RAB34: variants seen among roughly 807,000 people sequenced by gnomAD.
RAB34 encodes ras-related protein Rab-34.
A neutral mutation model predicts 39.0 loss-of-function variants in RAB34; 33 were observed. The ratio of observed to expected loss-of-function variants is 0.85; its 90% CI spans 0.64 to 1.13. The LOEUF (loss-of-function observed/expected upper bound fraction) is 1.13, where lower values mean the gene tolerates loss of function less well. Among genes scored for constraint, RAB34 ranks in the 50% most tolerant of loss-of-function variants. The pLI, the probability that RAB34 is intolerant of heterozygous loss-of-function variation, is 0.00. For synonymous variants in RAB34, 135 were observed against 125.1 expected, an observed-to-expected ratio of 1.08 and a Z score of -0.53; for missense variants, 289 against 326.1, an observed-to-expected ratio of 0.89 and a Z score of 0.88.
chr17:28,715,978 C>A lies in RAB34; in HGVS notation c.212+15G>T. Reference sequence around the variant, plus strand: ...TGGCCCCACCCTGCCCAGCTCAGCTCCAGCACCCCCTTACCTATTAATGAG... The same window carrying A: ...TGGCCCCACCCTGCCCAGCTCAGCTACAGCACCCCCTTACCTATTAATGAG... On this transcript the variant is annotated intron_variant, in intron 3 of 9. Transcript: ENST00000395245. The A allele has an allele frequency of 6.2e-7, 1 of 1,613,888 alleles. No homozygotes were observed. Among genetic ancestry groups the A allele is most frequent in the Non-Finnish European group, 8.5e-7 (1 of 1,179,906 alleles).
rs1597764082 is a variant in RAB34 at position 28,715,689 on chromosome 17, G to A, written c.331C>T (p.Gln111Ter). The change falls in exon 5 of 10, where the codon CAG (glutamine) becomes TAG (stop). Residue 111 changes from glutamine to a stop codon, truncating the protein, a stop_gained. Transcript: ENST00000395245. LOFTEE classifies it high-confidence loss of function. ...GATGCAATGCATTTGAACCTCTCCTGCCCAGCGGTATCCCAACTGGAAGGA... is the reference window on the plus strand; with the variant it reads ...GATGCAATGCATTTGAACCTCTCCTACCCAGCGGTATCCCAACTGGAAGGA... ...FSLQLWDTAG[Q>*]ERFKCIASTY... 6.2e-7 allele frequency: 1 copy of A among 1,614,086 alleles called. No individual in the cohort carries two copies. Among genetic ancestry groups the A allele is most frequent in the Non-Finnish European group, 8.5e-7 (1 of 1,180,012 alleles).
At position 28,717,307 on chromosome 17, in the gene RAB34, G is replaced by A. The variant is rs550567306; in HGVS notation, c.-41C>T. On this transcript the variant is annotated 5_prime_UTR_variant, in exon 1 of 10. Transcript: ENST00000395245. ...GCAGGGCGCCCTGAGAAGGCGCCGA[G>A]GCCGGATCCGCGTCAGCGACCCGGG... 2.6e-6 allele frequency: 4 copies of A among 1,559,746 alleles called. No individual in the cohort carries two copies. The highest frequency in any genetic ancestry group is 1.7e-4 in the Middle Eastern group (1 of 6,004).
chr17:28,718,341 G>T, upstream of RAB34: 1 of 1,323,054 alleles, frequency 7.6e-7, no homozygotes, highest in South Asian at 1.4e-5. Flanking sequence ...CGTGCGAAGG[G>T]GGTGCCAGGG....
At position 28,715,891 on chromosome 17, in the gene RAB34, CTT is replaced by C; in HGVS notation, c.221_222del (p.Lys74ArgfsTer4). On this transcript the variant is annotated frameshift_variant, in exon 4 of 10. Transcript: ENST00000395245. LOFTEE classifies it high-confidence loss of function. ...GKTCLINRFCKDTFDKNYKAT... is the reference protein window; with the variant it reads ...GKTCLINRFCXDTFDKNYKAT... ...GCCTTGTAATTCTTATCAAAGGTGTCTTTGCAGAACCTGAGAGGGTACCAGAT... is the reference window on the plus strand; with the variant it reads ...GCCTTGTAATTCTTATCAAAGGTGTCTGCAGAACCTGAGAGGGTACCAGAT... 3.1e-6 allele frequency: 5 copies of C among 1,613,936 alleles called. No individual in the cohort carries two copies. Among genetic ancestry groups the C allele is most frequent in the Non-Finnish European group, 4.2e-6 (5 of 1,179,912 alleles).
chr17:28,714,786 C>T lies in RAB34; in HGVS notation c.712+7G>A. 6.2e-7 allele frequency: 1 copy of T among 1,614,094 alleles called. No homozygotes were observed. Among genetic ancestry groups the T allele is most frequent in the Non-Finnish European group, 8.5e-7 (1 of 1,179,950 alleles). ...CCTCTGCCACCCTCAACCAGGCAAGCACTCACGGACAACATCCCCAATGCG... is the reference window on the plus strand; with the variant it reads ...CCTCTGCCACCCTCAACCAGGCAAGTACTCACGGACAACATCCCCAATGCG... On this transcript the variant is annotated splice_region_variant and intron_variant, in intron 9 of 9. Coordinates refer to ENST00000395245, the MANE Select transcript of RAB34 (RefSeq NM_031934.6).
upstream of RAB34, chr17:28,718,280 C>A (rs527782156): frequency 2.0e-6 from 3 of 1,536,092 alleles, no homozygotes; most frequent in African/African-American, 2.8e-5. Flanking sequence ...AGTCTGCCCC[C>A]TCTCGCCCTT....
Position 28,714,391 on chromosome 17 carries a change from C to A in RAB34, c.*252G>T. On this transcript the variant is annotated 3_prime_UTR_variant, in exon 10 of 10. Coordinates refer to ENST00000395245, the MANE Select transcript of RAB34 (RefSeq NM_031934.6). ...CAGGCTGAGCAAAAGAACAGAGACACTCTCCCTCACTACCACTGGGCGCCC... is the reference window on the plus strand; with the variant it reads ...CAGGCTGAGCAAAAGAACAGAGACAATCTCCCTCACTACCACTGGGCGCCC... 1.5e-6 allele frequency: 1 copy of A among 645,954 alleles called. No homozygotes were observed. The highest frequency in any genetic ancestry group is 2.7e-6 in the Non-Finnish European group (1 of 369,352). The allele number at this position is 645,954 out of a possible 1,614,324, so 40.0% of individuals were successfully genotyped here.
chr17:28,715,784 G>T lies in RAB34; in HGVS notation c.314+16C>A. ...TGGGGAGAAGGGATAGCTGGAAGGG[G>T]TGTGGAAGCACTCACAGCTGCAAAC... On this transcript the variant is annotated intron_variant, in intron 4 of 9. Transcript: ENST00000395245. 9.3e-6 allele frequency: 15 copies of T among 1,611,688 alleles called. No individual in the cohort carries two copies. The highest frequency in any genetic ancestry group is 1.3e-5 in the Non-Finnish European group (15 of 1,177,832).
At position 28,714,395 on chromosome 17, in the gene RAB34, C is replaced by T; in HGVS notation, c.*248G>A. On this transcript the variant is annotated 3_prime_UTR_variant, in exon 10 of 10. Transcript: ENST00000395245. The stretch of plus-strand genomic sequence containing the variant: ...CTGAGCAAAAGAACAGAGACACTCT[C>T]CCTCACTACCACTGGGCGCCCTGGA... 1.5e-6 allele frequency: 1 copy of T among 655,448 alleles called. No individual in the cohort carries two copies. 40.6% of individuals were successfully genotyped at this position (655,448 alleles called of 1,614,324 possible). A position where few individuals can be genotyped will look rare whatever the true frequency, so the allele number is the denominator to read the frequency against.
At chr17:28,716,417 TC>T in intron 2 of RAB34, 9 of 287,054 alleles carry the variant, frequency 3.1e-5, no homozygotes, top group East Asian at 7.3e-5. Context: ...TAAGACACCC[TC>T]CCCCCCGCAT....
At position 28,717,516 on chromosome 17, in the gene RAB34, C is replaced by T; in HGVS notation, c.-250G>A. The T allele has an allele frequency of 7.0e-7, 1 of 1,427,990 alleles. No homozygotes were observed. Among genetic ancestry groups the T allele is most frequent in the Non-Finnish European group, 9.1e-7 (1 of 1,093,896 alleles). The allele number at this position is 1,427,990 out of a possible 1,614,324, so 88.5% of individuals were successfully genotyped here. ...CGGGCCCTGGGCGTCCCGAAGATGA[C>T]TCTGGGGCGAGGAGACTCTTCGGCC... On this transcript the variant is annotated 5_prime_UTR_variant, in exon 1 of 10. Coordinates refer to ENST00000395245, the MANE Select transcript of RAB34 (RefSeq NM_031934.6).
rs2033640198 is a variant in RAB34, at chr17:28,717,216, G to A, written c.51C>T (p.Pro17=). Residue 17 remains proline, a synonymous_variant, in exon 1 of 10, where the codon CCC becomes CCT. Transcript: ENST00000395245. ...VRRDRVLAEL[P]QCLRKEAALH... ...CCGACGTGGCCCCGGCGCCTACCTG[G>A]GGCAGCTCCGCCAGGACGCGATCCC... 6.2e-7 allele frequency: 1 copy of A among 1,603,692 alleles called. No individual in the cohort carries two copies. The highest frequency in any genetic ancestry group is 8.5e-7 in the Non-Finnish European group (1 of 1,177,952).
upstream of RAB34, chr17:28,718,074 T>C: frequency 4.5e-6 from 7 of 1,550,628 alleles, no homozygotes; most frequent in African/African-American, 1.4e-5. Context: ...CCCAGGCTGC[T>C]CTCCCCTGCA....
chr17:28,716,127 C>T (rs2033390772), intron 2 of RAB34, 69 bp from the exon 3 acceptor site: 11 of 1,606,530 alleles, frequency 6.8e-6, no homozygotes, highest in African/African-American at 1.3e-5. Flanking sequence ...TCCAATGCTC[C>T]CGACTAGGTC....
At position 28,717,340 on chromosome 17, in the gene RAB34, A is replaced by G. The variant is rs2151711403; in HGVS notation, c.-74T>C. On this transcript the variant is annotated 5_prime_UTR_variant, in exon 1 of 10. Transcript: ENST00000395245. ...CCGCGTCAGCGACCCGGGCGCGTGG[A>G]GACCCGACGATCACCCGCGGCCGGG... 5 of 1,538,102 alleles carry G rather than the reference A, an allele frequency of 3.3e-6. No homozygotes were observed. In the African/African-American group the frequency reaches 4.1e-5, roughly 13 times the overall value.
Position 28,714,526 on chromosome 17 carries a change from G to T in RAB34, c.*117C>A. 1 of 1,607,094 alleles carries T rather than the reference G, an allele frequency of 6.2e-7. No individual in the cohort carries two copies. The highest frequency in any genetic ancestry group is 8.5e-7 in the Non-Finnish European group (1 of 1,175,476). ...CCCTCTGTGGGAATACTGCCACCAA[G>T]AGGCAGCTCTTTGGTCTGGATAAAG... On this transcript the variant is annotated 3_prime_UTR_variant, in exon 10 of 10. Coordinates refer to ENST00000395245, the MANE Select transcript of RAB34 (RefSeq NM_031934.6).
Position 28,715,888 on chromosome 17 carries a change from T to A in RAB34, c.226A>T (p.Thr76Ser), listed in dbSNP as rs2033331572. 6.2e-7 allele frequency: 1 copy of A among 1,613,716 alleles called. No individual in the cohort carries two copies. The highest frequency in any genetic ancestry group is 1.3e-5 in the African/African-American group (1 of 74,836). The change falls in exon 4 of 10, where the codon ACC (threonine) becomes TCC (serine). Residue 76 changes from threonine to serine, a missense_variant. By Grantham distance (58) the Thr-to-Ser change is moderately conservative. Coordinates refer to ENST00000395245, the MANE Select transcript of RAB34 (RefSeq NM_031934.6). Reference protein sequence around the residue: ...TCLINRFCKDTFDKNYKATIG... With the variant: ...TCLINRFCKDSFDKNYKATIG... ...GTGGCCTTGTAATTCTTATCAAAGG[T>A]GTCTTTGCAGAACCTGAGAGGGTAC...
chr17:28,717,030 A>T (rs370117578), intron 1 of RAB34, 36 bp from the exon 2 acceptor site: 2 of 1,605,874 alleles, frequency 1.2e-6, no homozygotes, highest in African/African-American at 2.7e-5. Context: ...GGAGCTTCCT[A>T]CTCCTGGCCC....
In RAB34 at chr17:28,715,214, C is replaced by A. The variant is rs763332667; in HGVS notation, c.494G>T (p.Gly165Val). ...ACTCACACTCAGATCCTTCTTGGAACCTACAAGGAAGAGAAGCACACTGGA... is the reference window on the plus strand; with the variant it reads ...ACTCACACTCAGATCCTTCTTGGAAACTACAAGGAAGAGAAGCACACTGGA... ...DPSSVLLFLV[G>V]SKKDLSTPAQ... The change falls in exon 7 of 10, where the codon GGT becomes GTT. Residue 165 changes from glycine to valine, a missense_variant. Gly to Val is a moderately radical substitution (Grantham distance 109). Transcript: ENST00000395245. The A allele has an allele frequency of 1.2e-6, 2 of 1,614,074 alleles. No individual in the cohort carries two copies. Among genetic ancestry groups the A allele is most frequent in the Non-Finnish European group, 1.7e-6 (2 of 1,180,024 alleles).
Sources: allele counts gnomAD v4.1 joint callset, GRCh38; gene constraint gnomAD v4.1.1; transcripts MANE v1.5; gene names NCBI Gene and HGNC (gene_info 2026-07-23, HGNC 2026-07-21).